Variants in GALNT16 observed in about 807,000 individuals in gnomAD.
GALNT16 encodes UDP-GalNAc:polypeptide N-acetylgalactosaminyltransferase-like protein 1.
Under a neutral mutation model 76.1 loss-of-function variants are expected in GALNT16, and 40 were observed. That is an observed-to-expected ratio of 0.53 (90% CI 0.41 to 0.68). The LOEUF (loss-of-function observed/expected upper bound fraction) is 0.68, where lower values mean the gene tolerates loss of function less well. Among genes scored for constraint, GALNT16 ranks in the 30% least tolerant of loss-of-function variants. The probability of loss-of-function intolerance (pLI) is 0.00; values close to 1 mark genes in which losing one functional copy is unlikely to be tolerated. For synonymous variants in GALNT16, 276 were observed against 285.2 expected, an observed-to-expected ratio of 0.97 and a Z score of 0.32; for missense variants, 621 against 731.9, an observed-to-expected ratio of 0.85 and a Z score of 1.75.
intron 1 of GALNT16, among the ~76,000 whole-genome samples, chr14:69,263,403 T>G (rs1031115067): frequency 3.3e-5 from 5 of 152,218 alleles, no homozygotes; most frequent in African/African-American, 1.2e-4. Flanking sequence ...CCCTGCAATT[T>G]GTGGTAACCG....
chr14:69,276,794 TAAA>T (rs57321455), intron 1 of GALNT16, among the ~76,000 whole-genome samples: 2 of 152,264 alleles, frequency 1.3e-5, no homozygotes, highest in Middle Eastern at 3.4e-3. Context: ...CTTTTTGGAA[TAAA>T]AAAACTCTGA....
Position 69,260,189 on chromosome 14 carries a change from T to C in GALNT16, c.-102T>C. The C allele has an allele frequency of 2.1e-6, 1 of 483,248 alleles. No individual in the cohort carries two copies. Among genetic ancestry groups the C allele is most frequent in the South Asian group, 1.6e-5 (1 of 63,532 alleles). 29.9% of individuals were successfully genotyped at this position (483,248 alleles called of 1,614,324 possible). ...TTTCTGCTCTGCAGGACTGAGCAGC[T>C]AGGCGCGAGCGAAAACAAACAGCTG... On this transcript the variant is annotated 5_prime_UTR_variant, in exon 1 of 15. Transcript: ENST00000448469.
intron 1 of GALNT16, among the ~76,000 whole-genome samples, chr14:69,320,507 GA>G (rs1160448105): frequency 6.8e-6 from 1 of 148,140 alleles, no homozygotes; most frequent in African/African-American, 2.5e-5. Flanking sequence ...AAAAAAAAAA[GA>G]AAAAAAGAAA....
the GALNT16 span, among the ~76,000 whole-genome samples, chr14:69,367,265 C>G: frequency 6.6e-6 from 1 of 151,978 alleles, no homozygotes; most frequent in Non-Finnish European, 1.5e-5. Flanking sequence ...TTGTGCTCCA[C>G]CCCCGCAAAC....
chr14:69,320,559 C>T, intron 1 of GALNT16, 152 bp from the exon 2 acceptor site: 1 of 612,662 alleles, frequency 1.6e-6, no homozygotes, highest in Non-Finnish European at 2.9e-6. Flanking sequence ...CTCTTCTGTA[C>T]AGTGGGGGAG....
At chr14:69,370,353 T>C in the GALNT16 span, among the ~76,000 whole-genome samples, 4 of 152,144 alleles carry the variant, frequency 2.6e-5, no homozygotes, top group African/African-American at 7.2e-5. Context: ...CCTCTTCTGC[T>C]CAGGCTGAGG....
chr14:69,275,469 T>C (rs1206907258), intron 1 of GALNT16, among the ~76,000 whole-genome samples: 1 of 152,254 alleles, frequency 6.6e-6, no homozygotes, highest in Admixed American at 6.5e-5. Flanking sequence ...ATACCATTTA[T>C]GTAAATTAAA....
At chr14:69,365,240 A>G in the GALNT16 span, among the ~76,000 whole-genome samples, 2 of 152,204 alleles carry the variant, frequency 1.3e-5, no homozygotes, top group Non-Finnish European at 2.9e-5. Flanking sequence ...CAGCTACATA[A>G]TTTGGAGGCT....
chr14:69,367,520 G>A, the GALNT16 span, among the ~76,000 whole-genome samples: 10 of 151,950 alleles, frequency 6.6e-5, no homozygotes, highest in South Asian at 2.1e-4. Context: ...TACAGCCTGC[G>A]GATCTGGAGC....
the GALNT16 span, among the ~76,000 whole-genome samples, chr14:69,362,637 C>T: frequency 6.6e-6 from 1 of 152,164 alleles, no homozygotes; most frequent in Non-Finnish European, 1.5e-5. Context: ...TCACTGTTCT[C>T]AACTGAAAAA....
intron 1 of GALNT16, among the ~76,000 whole-genome samples, chr14:69,288,308 G>A (rs1172563459): frequency 3.3e-5 from 5 of 152,208 alleles, no homozygotes; most frequent in Admixed American, 3.3e-4. Context: ...ACCCCCTGCT[G>A]CGTCTTTAGA....
intron 1 of GALNT16, among the ~76,000 whole-genome samples, chr14:69,315,994 AT>A (rs1449982133): frequency 6.6e-6 from 1 of 152,178 alleles, no homozygotes; most frequent in African/African-American, 2.4e-5. Context: ...CTCAGGGAAG[AT>A]TCTGATTGGC....
At chr14:69,372,344 G>C in the GALNT16 span, among the ~76,000 whole-genome samples, 1 of 152,136 alleles carries the variant, frequency 6.6e-6, no homozygotes, top group Non-Finnish European at 1.5e-5. Context: ...TACGGGGTCT[G>C]TTGACATAGA....
rs754354389 is a variant in GALNT16 at position 69,338,700 on chromosome 14, C to T, written c.1017C>T (p.Pro339=). 9.3e-6 allele frequency: 15 copies of T among 1,613,912 alleles called. No individual in the cohort carries two copies. The highest frequency in any genetic ancestry group is 1.6e-4 in the Middle Eastern group (1 of 6,082). The part of the protein sequence containing the change: ...WMCGGSLEIV[P]CSRVGHVFRK... ...GTGGTGGCAGTCTGGAGATCGTCCC[C>T]TGCAGCCGGGTGGGCCATGTCTTCA... The change falls in exon 10 of 15, where the codon CCC becomes CCT. Residue 339 remains proline, a synonymous_variant. Coordinates refer to ENST00000448469, the MANE Select transcript of GALNT16 (RefSeq NM_001168368.2).
chr14:69,308,481 A>T (rs1203397518), intron 1 of GALNT16, among the ~76,000 whole-genome samples: 1 of 152,202 alleles, frequency 6.6e-6, no homozygotes, highest in Non-Finnish European at 1.5e-5. Context: ...CACTGTATAT[A>T]TTTATTTCTT....
chr14:69,367,987 T>G, the GALNT16 span, among the ~76,000 whole-genome samples: 1 of 151,718 alleles, frequency 6.6e-6, no homozygotes, highest in African/African-American at 2.4e-5. Flanking sequence ...CGGGATCCAA[T>G]CTCTAAATAA....
At chr14:69,337,500 A>C (rs2045429406) in intron 9 of GALNT16, among the ~76,000 whole-genome samples, 1 of 152,242 alleles carries the variant, frequency 6.6e-6, no homozygotes, top group Non-Finnish European at 1.5e-5. Context: ...TAGCATAACA[A>C]AGTTGGGATG....
the GALNT16 span, among the ~76,000 whole-genome samples, chr14:69,379,250 T>G: frequency 2.0e-5 from 3 of 152,206 alleles, no homozygotes; most frequent in African/African-American, 7.2e-5. Flanking sequence ...TATTTTAGCT[T>G]TAAAATTTGG....
rs2045658074 is a variant in GALNT16 at position 69,353,026 on chromosome 14, C to A, written c.*858C>A. On this transcript the variant is annotated 3_prime_UTR_variant, in exon 15 of 15. Coordinates refer to ENST00000448469, the MANE Select transcript of GALNT16 (RefSeq NM_001168368.2). ...GGCCATGTGTCAGGCTGAGACCTCT[C>A]TCTCGGGCATTAATGAACAGCTAGT... 1.3e-5 allele frequency among the ~76,000 whole-genome samples: 2 copies of A among 152,184 alleles called. No individual in the cohort carries two copies. The highest frequency in any genetic ancestry group is 1.3e-4 in the Admixed American group (2 of 15,278).
Sources: gnomAD v4.1 joint callset for allele counts (sites outside exome capture counted in the v4.1 genomes callset) on GRCh38, gnomAD v4.1.1 for gene constraint, MANE v1.5 for transcripts, NCBI Gene and HGNC (gene_info 2026-07-23, HGNC 2026-07-21) for gene names.